The following C9 variants were observed in gnomAD, a reference collection of about 807,000 sequenced individuals.
C9 encodes complement component C9.
In C9, 63 loss-of-function variants were observed where a neutral mutation model predicts 65.4. The observed-to-expected ratio is 0.96, with a 90% CI of 0.79 to 1.19. C9 has a LOEUF of 1.19. Among genes scored for constraint, C9 ranks in the 50% most tolerant of loss-of-function variants. C9 has a pLI of 0.00. For synonymous variants in C9, 229 were observed against 227.9 expected, an observed-to-expected ratio of 1.00 and a Z score of -0.04; for missense variants, 744 against 670.1, an observed-to-expected ratio of 1.11 and a Z score of -1.22.
At chr5:39,296,639 G>A (rs696132) in intron 9 of C9, among the ~76,000 whole-genome samples, 2,837 of 151,512 alleles carry the variant, frequency 0.019, 105 homozygotes, top group African/African-American at 0.065. Context: ...AGAGACATCC[G>A]CACCCTTCTG....
At chr5:39,359,435 C>T (rs910366468) in intron 1 of C9, among the ~76,000 whole-genome samples, 6 of 151,630 alleles carry the variant, frequency 4.0e-5, no homozygotes, top group Non-Finnish European at 7.4e-5. Context: ...GTGGGGATGT[C>T]GGCGTATAAG....
At position 39,342,194 on chromosome 5, in the gene C9, T is replaced by C. The variant is rs544541581; in HGVS notation, c.80A>G (p.Tyr27Cys). The C allele has an allele frequency of 5.2e-6, 8 of 1,527,648 alleles. No homozygotes were observed. The Admixed American group carries it at 8.3e-5, about 16-fold the overall frequency. The allele number at this position is 1,527,648 out of a possible 1,614,324, so 94.6% of individuals were successfully genotyped here. A position where few individuals can be genotyped will look rare whatever the true frequency, so the allele number is the denominator to read the frequency against. Reference sequence around the variant, plus strand: ...ACTGCTTTCTGTTAGCTCTGGGTCATAACTAAGATAACAGAACATCCCAGT... The same window carrying C: ...ACTGCTTTCTGTTAGCTCTGGGTCACAACTAAGATAACAGAACATCCCAGT... The part of the protein sequence containing the change: ...SILTAQYTTS[Y>C]DPELTESSGS... The change falls in exon 2 of 11, where the codon TAT (tyrosine) becomes TGT (cysteine). Residue 27 changes from tyrosine (Y) to cysteine (C), a missense_variant and splice_region_variant. By Grantham distance (194) the Tyr-to-Cys change is radical. Transcript: ENST00000263408.
chr5:39,361,535 G>A (rs1294871840), intron 1 of C9, among the ~76,000 whole-genome samples: 1 of 152,192 alleles, frequency 6.6e-6, no homozygotes, highest in African/African-American at 2.4e-5. Flanking sequence ...GTTATCTCAG[G>A]TATTCCTCAC....
chr5:39,364,237 T>C (rs700231), intron 1 of C9, 151 bp downstream of exon 1: 245,101 of 634,204 alleles, frequency 0.39, 49,595 homozygotes, highest in Middle Eastern at 0.51. Flanking sequence ...GCACCCTATG[T>C]ATTTTCTTAT....
At chr5:39,312,515 T>C (rs1753503633) in intron 6 of C9, among the ~76,000 whole-genome samples, 1 of 152,186 alleles carries the variant, frequency 6.6e-6, no homozygotes, top group African/African-American at 2.4e-5. Flanking sequence ...CAATTTTTAA[T>C]GACAGAGACA....
intron 1 of C9, among the ~76,000 whole-genome samples, chr5:39,348,606 A>T (rs927361600): frequency 6.6e-6 from 1 of 152,178 alleles, no homozygotes; most frequent in Non-Finnish European, 1.5e-5. Context: ...TGTGGAAGTC[A>T]GTGTGGCGAT....
intron 6 of C9, among the ~76,000 whole-genome samples, chr5:39,313,140 T>C (rs1410222286): frequency 2.6e-5 from 4 of 152,172 alleles, no homozygotes; most frequent in Non-Finnish European, 5.9e-5. Context: ...TTCTTCTATC[T>C]TAAAGCAACA....
chr5:39,289,707 G>A lies in C9; in HGVS notation c.1417-756C>T, dbSNP rs561128298. Among the ~76,000 whole-genome samples the A allele has an allele frequency of 7.2e-5, 11 of 151,938 alleles. No individual in the cohort carries two copies. In the East Asian group the frequency reaches 2.1e-3, roughly 29 times the overall value. Reference sequence around the variant, plus strand: ...GATTTCCATTTGCAAGCCTGGCATGGAGGGCTTGGAAATATTTGACTTCTA... The same window carrying A: ...GATTTCCATTTGCAAGCCTGGCATGAAGGGCTTGGAAATATTTGACTTCTA... On this transcript the variant is annotated intron_variant, in intron 9 of 10. Coordinates refer to ENST00000263408, the MANE Select transcript of C9 (RefSeq NM_001737.5).
chr5:39,308,773 A>G (rs1238541917), intron 7 of C9, among the ~76,000 whole-genome samples: 1 of 152,172 alleles, frequency 6.6e-6, no homozygotes, highest in East Asian at 1.9e-4. Context: ...GTAAGTCCAT[A>G]TTGTCCTCAT....
intron 4 of C9, among the ~76,000 whole-genome samples, chr5:39,334,899 T>G (rs1449459986): frequency 6.6e-6 from 1 of 151,890 alleles, no homozygotes; most frequent in Admixed American, 6.5e-5. Flanking sequence ...GGGAAAAGAT[T>G]GAGAAATCAG....
At chr5:39,317,329 C>A (rs182087500) in intron 5 of C9, among the ~76,000 whole-genome samples, 1 of 151,982 alleles carries the variant, frequency 6.6e-6, no homozygotes, top group Admixed American at 6.6e-5. Context: ...TTTCTTTTGC[C>A]GTGCAGAAGC....
At chr5:39,297,532 A>G (rs1045089551) in intron 9 of C9, among the ~76,000 whole-genome samples, 1 of 151,626 alleles carries the variant, frequency 6.6e-6, no homozygotes, top group Non-Finnish European at 1.5e-5. Context: ...GTTTCAAAGT[A>G]AAAGGATGGA....
intron 9 of C9, among the ~76,000 whole-genome samples, chr5:39,304,960 CTAT>C (rs891841312): frequency 1.3e-5 from 2 of 152,064 alleles, no homozygotes; most frequent in African/African-American, 4.8e-5. Context: ...ACGTGCTGAA[CTAT>C]TATTAAGACC....
chr5:39,361,937 C>T (rs700229), intron 1 of C9, among the ~76,000 whole-genome samples: 54,388 of 152,086 alleles, frequency 0.36, 10,243 homozygotes, highest in Middle Eastern at 0.49. Context: ...CCAACCCTTC[C>T]GTCCTAAACA....
intron 6 of C9, 128 bp from the exon 7 acceptor site, chr5:39,311,505 T>C (rs1753484601): frequency 3.6e-6 from 3 of 822,888 alleles, no homozygotes; most frequent in Non-Finnish European, 6.0e-6. Context: ...ACCACTCTAA[T>C]CCACCAGAAG....
At chr5:39,311,043 A>G (rs1753472760) in intron 7 of C9, 94 bp downstream of exon 7, 1 of 1,393,408 alleles carries the variant, frequency 7.2e-7, no homozygotes, top group South Asian at 1.2e-5. Context: ...AGGGCTTTGT[A>G]TTCTTAAGAC....
At chr5:39,324,169 A>G (rs981995398) in intron 5 of C9, among the ~76,000 whole-genome samples, 2 of 152,232 alleles carry the variant, frequency 1.3e-5, no homozygotes, top group African/African-American at 2.4e-5. Flanking sequence ...TGGAAAATAT[A>G]CAAATCAATG....
At position 39,341,800 on chromosome 5, in the gene C9, G is replaced by A. The variant is rs376313852; in HGVS notation, c.184-100C>T. 283 of 1,109,338 alleles carry A rather than the reference G, an allele frequency of 2.6e-4. 3 individuals carry two copies. The East Asian group carries it at 3.4e-3, about 13-fold the overall frequency. 68.7% of individuals were successfully genotyped at this position (1,109,338 alleles called of 1,614,324 possible). ...AACTATATCCCTGCAATGAGTCAAT[G>A]GTTTTAAGATAGAAGTGGTGGAAGA... On this transcript the variant is annotated intron_variant, in intron 2 of 10. Transcript: ENST00000263408.
At chr5:39,286,243 A>G (rs1202202434) in intron 10 of C9, among the ~76,000 whole-genome samples, 2 of 152,092 alleles carry the variant, frequency 1.3e-5, no homozygotes, top group African/African-American at 4.8e-5. Context: ...TTCATTATCC[A>G]GGGAAGACGG....
Sources: gnomAD v4.1 joint callset for allele counts (sites outside exome capture counted in the v4.1 genomes callset) on GRCh38, gnomAD v4.1.1 for gene constraint, MANE v1.5 for transcripts, NCBI Gene and HGNC (gene_info 2026-07-23, HGNC 2026-07-21) for gene names.